Variants in BMPR2 observed in about 807,000 individuals in gnomAD.
The protein encoded by BMPR2 is bone morphogenetic protein receptor type-2.
BMPR2 carries 29 observed loss-of-function variants against 100.8 expected under a neutral mutation model. The observed-to-expected ratio is 0.29, with a 90% confidence interval of 0.21 to 0.39. BMPR2 has a LOEUF of 0.39. BMPR2 is among the 10% of genes least tolerant of loss of function. The pLI, the probability that BMPR2 is intolerant of heterozygous loss-of-function variation, is 1.00. For missense variants in BMPR2, 1,011 were observed against 1,274.5 expected (o/e 0.79, Z 3.15); for synonymous variants, 382 against 442.3 (o/e 0.86, Z 1.71).
In BMPR2 at chr2:202,532,746, T is replaced by G. The variant is rs902623916; in HGVS notation, c.1276+14T>G. On this transcript the variant is annotated intron_variant, in intron 9 of 12. Coordinates refer to ENST00000374580, the MANE Select transcript of BMPR2 (RefSeq NM_001204.7). This position sits in a 1 kb window ranked among gnomAD's most constrained non-coding sequence, Gnocchi z 4.1. ...ACCTCTTCCCAGGTAAAAACTACTG[T>G]CAAAAGTTGATATTTTTTGAAGTGA... 1 of 1,609,774 alleles carries G rather than the reference T, an allele frequency of 6.2e-7. No individual in the cohort carries two copies. Among genetic ancestry groups the G allele is most frequent in the Middle Eastern group, 1.7e-4 (1 of 6,060 alleles).
intron 1 of BMPR2, among the ~76,000 whole-genome samples, chr2:202,384,569 T>TTTCTTTC (rs138215628): frequency 4.3e-5 from 4 of 93,504 alleles, no homozygotes; most frequent in South Asian, 3.2e-4. Context: ...TCTTTCTTTC[T>TTTCTTTC]TTTTCTTTCT....
At chr2:202,552,189 C>A (rs1319884338) in intron 10 of BMPR2, among the ~76,000 whole-genome samples, 2 of 151,952 alleles carry the variant, frequency 1.3e-5, no homozygotes. Flanking sequence ...GGGGTTTCAC[C>A]ATATTGGCCA....
chr2:202,465,826 C>G (rs1269275977), intron 2 of BMPR2, among the ~76,000 whole-genome samples: 3 of 152,050 alleles, frequency 2.0e-5, no homozygotes, highest in Admixed American at 6.6e-5. Context: ...GCACTCCAGC[C>G]TGGGCGACAG....
At chr2:202,462,725 T>C (rs1392947431) in intron 1 of BMPR2, among the ~76,000 whole-genome samples, 1 of 151,936 alleles carries the variant, frequency 6.6e-6, no homozygotes, top group African/African-American at 2.4e-5. Context: ...TTGTTTTTGT[T>C]TTTTGAGATG....
intron 1 of BMPR2, among the ~76,000 whole-genome samples, chr2:202,399,868 T>C (rs1690731419): frequency 6.6e-6 from 1 of 152,170 alleles, no homozygotes; most frequent in Non-Finnish European, 1.5e-5. Flanking sequence ...TCCCAGCACT[T>C]TGGGAGGCCG....
intron 1 of BMPR2, among the ~76,000 whole-genome samples, chr2:202,441,228 A>G (rs1237824641): frequency 1.3e-5 from 2 of 150,022 alleles, no homozygotes; most frequent in African/African-American, 2.5e-5. Context: ...CAATCCACCC[A>G]CCTCGGCCTC....
intron 9 of BMPR2, among the ~76,000 whole-genome samples, chr2:202,541,172 G>T (rs1375937724): frequency 6.6e-6 from 1 of 152,126 alleles, no homozygotes; most frequent in African/African-American, 2.4e-5. Flanking sequence ...TGGGCACAGT[G>T]GTTCACACCT....
At chr2:202,545,024 A>T (rs1239499301) in intron 10 of BMPR2, among the ~76,000 whole-genome samples, 1 of 151,486 alleles carries the variant, frequency 6.6e-6, no homozygotes, top group African/African-American at 2.4e-5. Context: ...AGCTTCTCAA[A>T]GTACTGAGAT....
intron 1 of BMPR2, among the ~76,000 whole-genome samples, chr2:202,447,379 C>A (rs1691872172): frequency 6.6e-6 from 1 of 150,474 alleles, no homozygotes. Flanking sequence ...ATTTTGACAA[C>A]CTAAATATAT....
chr2:202,559,943 G>A lies in BMPR2; in HGVS notation c.3114G>A (p.Leu1038=). ...CTAAAGATATAGGAATGAACTGTCT[G>A]TGAAATGTTTTCAAGCCTATGGAGT... The part of the protein sequence containing the change: ...MVSKDIGMNC[L] The change falls in exon 13 of 13, where the codon CTG becomes CTA. Residue 1038 remains leucine, a synonymous_variant. Transcript: ENST00000374580. 6.2e-7 allele frequency: 1 copy of A among 1,613,930 alleles called. No homozygotes were observed. The highest frequency in any genetic ancestry group is 8.5e-7 in the Non-Finnish European group (1 of 1,179,988).
intron 1 of BMPR2, among the ~76,000 whole-genome samples, chr2:202,396,261 G>T (rs549296111): frequency 6.6e-6 from 1 of 152,330 alleles, no homozygotes; most frequent in Admixed American, 6.5e-5. Flanking sequence ...TGAGGGTGGT[G>T]ATGAAGGCTG....
At chr2:202,390,493 G>C (rs1231921422) in intron 1 of BMPR2, among the ~76,000 whole-genome samples, 1 of 151,812 alleles carries the variant, frequency 6.6e-6, no homozygotes, top group Non-Finnish European at 1.5e-5. Context: ...CACCATGCCT[G>C]GCTAATTTTT....
At chr2:202,510,274 T>C (rs1687595009) in intron 3 of BMPR2, among the ~76,000 whole-genome samples, 1 of 152,120 alleles carries the variant, frequency 6.6e-6, no homozygotes, top group African/African-American at 2.4e-5. Flanking sequence ...AAAAATTAGC[T>C]GGGTGTGGTG....
Position 202,556,237 on chromosome 2 carries a change from C to G in BMPR2, c.2572C>G (p.Leu858Val). 2 of 1,613,418 alleles carry G rather than the reference C, an allele frequency of 1.2e-6. No homozygotes were observed. The highest frequency in any genetic ancestry group is 1.7e-6 in the Non-Finnish European group (2 of 1,179,390). Reference protein sequence around the residue: ...QNQFIGEDTRLNINSSPDEHE... With the variant: ...QNQFIGEDTRVNINSSPDEHE... ...TCAGTTTATTGGTGAGGACACCCGG[C>G]TGAATATTAATTCCAGTCCTGATGA... Residue 858 changes from leucine (L) to valine (V), a missense_variant, in exon 12 of 13, where the codon CTG becomes GTG. By Grantham distance (32) the Leu-to-Val change is conservative (BLOSUM62 1). Coordinates refer to ENST00000374580, the MANE Select transcript of BMPR2 (RefSeq NM_001204.7).
At chr2:202,398,183 C>A (rs1451918508) in intron 1 of BMPR2, among the ~76,000 whole-genome samples, 1 of 151,660 alleles carries the variant, frequency 6.6e-6, no homozygotes. Context: ...AATATTGAAA[C>A]CAGAGACTCA....
chr2:202,527,551 C>T (rs1234866012), intron 7 of BMPR2, among the ~76,000 whole-genome samples: 1 of 147,574 alleles, frequency 6.8e-6, no homozygotes, highest in Admixed American at 6.8e-5. Flanking sequence ...TTTGGGAGGC[C>T]GAGGCGGGTG....
At chr2:202,520,488 C>A in intron 7 of BMPR2, 1 of 433,734 alleles carries the variant, frequency 2.3e-6, no homozygotes, top group Non-Finnish European at 4.2e-6. Flanking sequence ...GTGGTCATGT[C>A]CTGTGAGGAC....
chr2:202,511,156 A>G (rs764051449), intron 3 of BMPR2, among the ~76,000 whole-genome samples: 2 of 151,898 alleles, frequency 1.3e-5, no homozygotes, highest in Non-Finnish European at 2.9e-5. Context: ...GTCACTCCCT[A>G]TTTCTTCCTC....
At chr2:202,379,273 G>C (rs897828934) in intron 1 of BMPR2, among the ~76,000 whole-genome samples, 1 of 152,010 alleles carries the variant, frequency 6.6e-6, no homozygotes, top group Non-Finnish European at 1.5e-5. Flanking sequence ...TTTTCATTTC[G>C]TCTTCATGAC....
Sources: gnomAD v4.1 joint callset for allele counts (sites outside exome capture counted in the v4.1 genomes callset) on GRCh38, gnomAD v4.1.1 for gene constraint, Gnocchi (gnomAD v3.1) non-coding constraint, MANE v1.5 for transcripts, NCBI Gene and HGNC (gene_info 2026-07-23, HGNC 2026-07-21) for gene names.